The following WDR62 variants were observed in gnomAD, a reference collection of about 807,000 sequenced individuals.
WDR62 encodes the protein WD repeat domain 62.
WDR62 carries 112 observed loss-of-function variants against 160.6 expected under a neutral mutation model. The observed-to-expected ratio is 0.70, with a 90% CI of 0.60 to 0.82. The LOEUF is 0.82. Ranked by LOEUF, WDR62 falls within the 40% of genes least tolerant of loss-of-function variation. The probability of loss-of-function intolerance (pLI) is 0.00; values close to 1 mark genes in which losing one functional copy is unlikely to be tolerated. For synonymous variants in WDR62, 792 were observed against 815.1 expected, an observed-to-expected ratio of 0.97 and a Z score of 0.48; for missense variants, 1,819 against 1,983.8, an observed-to-expected ratio of 0.92 and a Z score of 1.58.
At position 36,099,497 on chromosome 19, in the gene WDR62, C is replaced by G; in HGVS notation, c.2619C>G (p.Leu873=). ...CAGAGCGGGCCGGCCAAGAGCCCCT[C>G]AAGACCATCCTGGATGCCCAGGACC... ...RWAERAGQEP[L]KTILDAQDLD... is the part of the protein sequence containing the mutation. Residue 873 remains leucine, a synonymous_variant, in exon 22 of 32, where the codon CTC becomes CTG. Coordinates refer to ENST00000401500, the MANE Select transcript of WDR62 (RefSeq NM_001083961.2). The G allele has an allele frequency of 6.2e-7, 1 of 1,614,136 alleles. No individual in the cohort carries two copies. The highest frequency in any genetic ancestry group is 8.5e-7 in the Non-Finnish European group (1 of 1,180,028).
rs146180208 is a variant in WDR62 at position 36,103,591 on chromosome 19, G to A, written c.3763G>A (p.Val1255Ile). 268 of 1,613,428 alleles carry A rather than the reference G, an allele frequency of 1.7e-4. No individual in the cohort carries two copies. The African/African-American group carries it at 2.7e-3, about 16-fold the overall frequency. ...CCAGCCCCTCCGTAGGCCATCGTCC[G>A]TTGGGGAGCTGGCCTCCTTGGGCCA... is the stretch of plus-strand genomic sequence containing the variant. Reference protein sequence around the residue: ...LAQPLRRPSSVGELASLGQEL... With the variant: ...LAQPLRRPSSIGELASLGQEL... The change falls in exon 30 of 32, where the codon GTT becomes ATT. Residue 1255 changes from valine (V) to isoleucine (I), a missense_variant. By Grantham distance (29) the Val-to-Ile change is conservative (BLOSUM62 3). Coordinates refer to ENST00000401500, the MANE Select transcript of WDR62 (RefSeq NM_001083961.2).
intron 30 of WDR62, 101 bp from the exon 31 acceptor site, chr19:36,104,417 T>A: frequency 2.1e-6 from 3 of 1,461,904 alleles, no homozygotes; most frequent in Non-Finnish European, 2.8e-6. Flanking sequence ...CCCAGAGAAG[T>A]GTTCCAGACA....
chr19:36,054,964 G>A lies in WDR62; in HGVS notation c.-8G>A, dbSNP rs1486870034. 6.3e-7 allele frequency: 1 copy of A among 1,590,070 alleles called. No individual in the cohort carries two copies. Among genetic ancestry groups the A allele is most frequent in the East Asian group, 2.3e-5 (1 of 43,940 alleles). On this transcript the variant is annotated 5_prime_UTR_variant, in exon 1 of 32. Transcript: ENST00000401500. ...GGGATGTAACGGTCGCCCGCCTCCGGCGTGACGATGGCGGCCGTAGGGTCC... is the reference window on the plus strand; with the variant it reads ...GGGATGTAACGGTCGCCCGCCTCCGACGTGACGATGGCGGCCGTAGGGTCC...
At position 36,102,069 on chromosome 19, in the gene WDR62, C is replaced by T; in HGVS notation, c.3138C>T (p.Pro1046=). ...CCCTGCCCGAGGGACCCAGCGTCCC[C>T]AGCAGCTCCCTACCCCAGACTCCGG... ...ELSLPEGPSV[P]SSSLPQTPEQ... The change falls in exon 26 of 32, where the codon CCC becomes CCT. Residue 1046 remains proline, a synonymous_variant. Transcript: ENST00000401500. 6.2e-7 allele frequency: 1 copy of T among 1,614,206 alleles called. No homozygotes were observed. The highest frequency in any genetic ancestry group is 2.2e-5 in the East Asian group (1 of 44,876).
downstream of WDR62, among the ~76,000 whole-genome samples, chr19:36,106,743 G>A (rs1973723093): frequency 6.6e-6 from 1 of 152,246 alleles, no homozygotes; most frequent in African/African-American, 2.4e-5. Flanking sequence ...GCAAGGAGGA[G>A]CAGGGCCTTG....
At chr19:36,110,135 G>A in the WDR62 span, among the ~76,000 whole-genome samples, 578 of 152,164 alleles carry the variant, frequency 3.8e-3, 4 homozygotes, top group African/African-American at 0.013. Context: ...AGCTTGGCCA[G>A]TGTGCCGGGG....
chr19:36,081,455 A>G lies in WDR62; in HGVS notation c.1256A>G (p.Gln419Arg). The G allele has an allele frequency of 6.2e-7, 1 of 1,614,102 alleles. No homozygotes were observed. Among genetic ancestry groups the G allele is most frequent in the East Asian group, 2.2e-5 (1 of 44,888 alleles). Residue 419 changes from glutamine to arginine, a missense_variant, in exon 10 of 32, where the codon CAG becomes CGG. This residue lies in a region of WDR62 where 934 missense variants were observed against 1,157.2 expected (regional missense o/e 0.81). Coordinates refer to ENST00000401500, the MANE Select transcript of WDR62 (RefSeq NM_001083961.2). ...NVEVYPEFED[Q>R]RACLPSGSFL... is the part of the protein sequence containing the mutation. ...TAGGTGTATCCTGAGTTTGAAGACC[A>G]GAGAGCTTGTTTGCCATCAGGATCC...
intron 5 of WDR62, 89 bp downstream of exon 5, chr19:36,066,516 C>G (rs766065203): frequency 3.7e-5 from 53 of 1,433,006 alleles, no homozygotes; most frequent in Admixed American, 2.0e-4. Context: ...TGAGAGGACG[C>G]AGTAAAGTGC....
At chr19:36,065,145 G>T (rs1277913795) in intron 3 of WDR62, among the ~76,000 whole-genome samples, 2 of 152,234 alleles carry the variant, frequency 1.3e-5, no homozygotes, top group Non-Finnish European at 1.5e-5. Flanking sequence ...TAAGGAAAGA[G>T]AGGCGAGTGG....
At chr19:36,106,028 T>C (rs200645104), downstream of WDR62, among the ~76,000 whole-genome samples, 3 of 152,078 alleles carry the variant, frequency 2.0e-5, no homozygotes, top group East Asian at 5.8e-4. Context: ...TAAAACAAAA[T>C]AAAACAAGAA....
At position 36,091,149 on chromosome 19, in the gene WDR62, A is replaced by G. The variant is rs1428503799; in HGVS notation, c.2035-51A>G. On this transcript the variant is annotated intron_variant, in intron 16 of 31. Transcript: ENST00000401500. Reference sequence around the variant, plus strand: ...GGGAGGGAGGGGCCCAGGCCTCATCATAAGGAAGAAGCAGGCAGCTGGAGT... The same window carrying G: ...GGGAGGGAGGGGCCCAGGCCTCATCGTAAGGAAGAAGCAGGCAGCTGGAGT... 7 of 1,525,814 alleles carry G rather than the reference A, an allele frequency of 4.6e-6. No homozygotes were observed. In the South Asian group the frequency reaches 6.8e-5, roughly 15 times the overall value. The allele number at this position is 1,525,814 out of a possible 1,614,324, so 94.5% of individuals were successfully genotyped here.
rs1972702307 is a variant in WDR62, at chr19:36,092,736, A to G, written c.2258A>G (p.Lys753Arg). 1.2e-6 allele frequency: 2 copies of G among 1,614,192 alleles called. No individual in the cohort carries two copies. The highest frequency in any genetic ancestry group is 1.7e-6 in the Non-Finnish European group (2 of 1,180,018). ...HLGPEITNCM[K>R]QHLLEIDHRQ... ...GGCCCGGAGATCACCAACTGCATGA[A>G]GCAGCACTTGCTGGAGATTGACCAC... The change falls in exon 19 of 32, where the codon AAG becomes AGG. Residue 753 changes from lysine to arginine, a missense_variant. Lys to Arg is a conservative substitution (Grantham distance 26). Around this residue, in one of 3 missense-constraint regions of WDR62, gnomAD observed 934 missense variants for 1,157.2 expected, o/e 0.81. Coordinates refer to ENST00000401500, the MANE Select transcript of WDR62 (RefSeq NM_001083961.2).
intron 20 of WDR62, 144 bp from the exon 21 acceptor site, chr19:36,096,883 A>G (rs1275535905): frequency 9.3e-6 from 7 of 756,710 alleles, no homozygotes; most frequent in Non-Finnish European, 1.7e-5. Context: ...CCACGGTTTA[A>G]GTTTGCATTT....
intron 7 of WDR62, among the ~76,000 whole-genome samples, chr19:36,070,009 C>T (rs1440941489): frequency 1.8e-5 from 2 of 112,290 alleles, no homozygotes; most frequent in Admixed American, 1.7e-4. Context: ...AGAGGGAGAC[C>T]GTGGGGAGAG....
chr19:36,081,102 G>T (rs1220722898), intron 9 of WDR62, among the ~76,000 whole-genome samples: 1 of 152,108 alleles, frequency 6.6e-6, no homozygotes, highest in Non-Finnish European at 1.5e-5. Flanking sequence ...AATAATTCCA[G>T]TATTTAAAGT....
At chr19:36,105,989 G>A (rs536229811), downstream of WDR62, among the ~76,000 whole-genome samples, 8 of 152,258 alleles carry the variant, frequency 5.3e-5, no homozygotes, top group Admixed American at 1.3e-4. Flanking sequence ...ATGAGCCACC[G>A]CACCTGGCCA....
At chr19:36,064,989 G>T (rs1406411998) in intron 3 of WDR62, among the ~76,000 whole-genome samples, 2 of 152,196 alleles carry the variant, frequency 1.3e-5, no homozygotes, top group Non-Finnish European at 2.9e-5. Flanking sequence ...TTCAGGAGGG[G>T]AACTGGTAGG....
At chr19:36,105,505 C>T (rs1475763871), downstream of WDR62, among the ~76,000 whole-genome samples, 4 of 151,618 alleles carry the variant, frequency 2.6e-5, no homozygotes, top group South Asian at 2.1e-4. Flanking sequence ...ACAAAGTCCA[C>T]GGTGGTGGTG....
intron 21 of WDR62, among the ~76,000 whole-genome samples, chr19:36,097,406 A>G (rs1259480780): frequency 1.3e-5 from 2 of 152,230 alleles, no homozygotes; most frequent in East Asian, 1.9e-4. Context: ...TGTGGAGGGA[A>G]AAGAATCAAG....
Sources: gnomAD v4.1 joint callset for allele counts (sites outside exome capture counted in the v4.1 genomes callset) on GRCh38, gnomAD v4.1.1 for gene constraint, gnomAD v4.1.1 regional missense constraint, MANE v1.5 for transcripts, NCBI Gene and HGNC (gene_info 2026-07-23, HGNC 2026-07-21) for gene names.